The following PAK2 variants were observed in gnomAD, a reference collection of about 807,000 sequenced individuals.
PAK2 encodes serine/threonine-protein kinase PAK 2.
Under a neutral mutation model 65.9 loss-of-function variants are expected in PAK2, and 21 were observed. The observed-to-expected ratio is 0.32, with a 90% confidence interval of 0.23 to 0.46. The LOEUF (loss-of-function observed/expected upper bound fraction) is 0.46. Ranked by LOEUF, PAK2 falls within the 20% of genes least tolerant of loss-of-function variation. The pLI is 1.00. For missense variants in PAK2, 324 were observed against 642.6 expected (o/e 0.50, Z 5.36); for synonymous variants, 204 against 219.7 (o/e 0.93, Z 0.63).
intron 4 of PAK2, among the ~76,000 whole-genome samples, chr3:196,803,603 C>T (rs1341391257): frequency 6.6e-6 from 1 of 152,006 alleles, no homozygotes; most frequent in Non-Finnish European, 1.5e-5. Flanking sequence ...AATTGAAACT[C>T]GCAAGTGTGC....
intron 1 of PAK2, among the ~76,000 whole-genome samples, chr3:196,751,694 T>TATATATATATATATATATATAAA (rs1211217848): frequency 2.2e-5 from 1 of 45,870 alleles, no homozygotes; most frequent in Non-Finnish European, 4.4e-5. Context: ...TATATATATA[T>TATATATATATATATATATATAAA]AATTCAGGCT....
intron 1 of PAK2, among the ~76,000 whole-genome samples, chr3:196,750,810 TTC>T (rs1185756845): frequency 6.6e-6 from 1 of 152,154 alleles, no homozygotes; most frequent in Non-Finnish European, 1.5e-5. Flanking sequence ...TCTGGTATGT[TTC>T]TGTTATTTTA....
chr3:196,789,786 G>T (rs1166415737), intron 2 of PAK2, among the ~76,000 whole-genome samples: 1 of 152,130 alleles, frequency 6.6e-6, no homozygotes, highest in African/African-American at 2.4e-5. Flanking sequence ...TTTCTGTGGG[G>T]CTGACGGGGG....
chr3:196,798,272 T>C (rs1577729244), intron 2 of PAK2, among the ~76,000 whole-genome samples: 1 of 151,552 alleles, frequency 6.6e-6, no homozygotes, highest in Non-Finnish European at 1.5e-5. Flanking sequence ...ATGAGAGAGG[T>C]GGTGGCACCC....
chr3:196,771,715 C>T (rs1019220989), intron 1 of PAK2, among the ~76,000 whole-genome samples: 5 of 152,046 alleles, frequency 3.3e-5, no homozygotes, highest in Admixed American at 2.6e-4. Context: ...CTTGCCACCA[C>T]GCCTGGCTAA....
chr3:196,754,767 G>A (rs958968506), intron 1 of PAK2, among the ~76,000 whole-genome samples: 1 of 152,150 alleles, frequency 6.6e-6, no homozygotes, highest in African/African-American at 2.4e-5. Flanking sequence ...ACACTTCCTG[G>A]TTTGCTTTCT....
At position 196,757,201 on chromosome 3, in the gene PAK2, C is replaced by T. The variant is rs1209866626; in HGVS notation, c.-22+17044C>T. ...AGGTGACTTAGGTCAGAGCAGGTGA[C>T]CAGGGGTGACTCAGGTCAAAGCAGG... On this transcript the variant is annotated intron_variant, in intron 1 of 14. Transcript: ENST00000327134. Among the ~76,000 whole-genome samples, 3 of 152,158 alleles carry T rather than the reference C, an allele frequency of 2.0e-5. No individual in the cohort carries two copies. The East Asian group carries it at 5.8e-4, about 29-fold the overall frequency.
At chr3:196,816,555 G>A (rs1292913153) in intron 11 of PAK2, among the ~76,000 whole-genome samples, 2 of 152,060 alleles carry the variant, frequency 1.3e-5, no homozygotes, top group Non-Finnish European at 2.9e-5. Context: ...AAACTGTGAC[G>A]AGTTTGTTTC....
In PAK2 at chr3:196,752,481, C is replaced by A. The variant is rs141505794; in HGVS notation, c.-22+12324C>A. On this transcript the variant is annotated intron_variant, in intron 1 of 14. Transcript: ENST00000327134. ...ATTTTTTTCTCTTAACCCTTTCTCACTTTATCCTCCTTTCACCTCCGTGGT... is the reference window on the plus strand; with the variant it reads ...ATTTTTTTCTCTTAACCCTTTCTCAATTTATCCTCCTTTCACCTCCGTGGT... 9.3e-3 allele frequency among the ~76,000 whole-genome samples: 1,424 copies of A among 152,320 alleles called. 21 individuals are homozygous for A. Among genetic ancestry groups the A allele is most frequent in the African/African-American group, 0.033 (1,367 of 41,554 alleles).
chr3:196,756,601 G>A (rs1000756171), intron 1 of PAK2, among the ~76,000 whole-genome samples: 2 of 152,196 alleles, frequency 1.3e-5, no homozygotes, highest in African/African-American at 4.8e-5. Flanking sequence ...ACTTTGGGAG[G>A]CCGAGCTGGG....
intron 1 of PAK2, among the ~76,000 whole-genome samples, chr3:196,751,908 A>G (rs1311459648): frequency 6.6e-6 from 1 of 150,456 alleles, no homozygotes; most frequent in Non-Finnish European, 1.5e-5. Flanking sequence ...ACTCTCAGCT[A>G]ATTTTTGTAT....
intron 2 of PAK2, among the ~76,000 whole-genome samples, chr3:196,798,132 A>G (rs569890459): frequency 1.3e-5 from 2 of 152,254 alleles, no homozygotes; most frequent in African/African-American, 2.4e-5. Flanking sequence ...AAATAGGGGG[A>G]AAAAGCAGCA....
intron 2 of PAK2, among the ~76,000 whole-genome samples, chr3:196,789,019 T>C (rs1714984149): frequency 6.6e-6 from 1 of 152,174 alleles, no homozygotes; most frequent in Non-Finnish European, 1.5e-5. Flanking sequence ...TACAGATTTT[T>C]AATCAGGGGA....
chr3:196,782,224 C>G (rs1714735488), intron 1 of PAK2, among the ~76,000 whole-genome samples: 1 of 151,620 alleles, frequency 6.6e-6, no homozygotes, highest in East Asian at 1.9e-4. Context: ...AAGCATCTGT[C>G]TCTGCTCTAG....
At chr3:196,796,970 A>G (rs561409061) in intron 2 of PAK2, among the ~76,000 whole-genome samples, 2 of 152,346 alleles carry the variant, frequency 1.3e-5, no homozygotes, top group South Asian at 4.1e-4. Context: ...GAAGAAACAG[A>G]CAAATTCAAT....
At chr3:196,803,283 C>A in intron 4 of PAK2, 119 bp downstream of exon 4, 1 of 792,752 alleles carries the variant, frequency 1.3e-6, no homozygotes, top group Non-Finnish European at 1.9e-6. Flanking sequence ...CGGTTTTTCC[C>A]TGGATAGATT....
At chr3:196,747,139 A>G (rs1307985695) in intron 1 of PAK2, 2 of 145,386 alleles carry the variant, frequency 1.4e-5, no homozygotes, top group Non-Finnish European at 3.0e-5. Context: ...TGAATGCCTG[A>G]TTTCTACTTT....
At chr3:196,801,083 G>A (rs79128605) in intron 2 of PAK2, among the ~76,000 whole-genome samples, 110 of 152,258 alleles carry the variant, frequency 7.2e-4, no homozygotes, top group African/African-American at 2.6e-3. Context: ...AAACTGCATA[G>A]TTTTAAAATG....
intron 12 of PAK2, among the ~76,000 whole-genome samples, chr3:196,818,656 G>T (rs950792715): frequency 6.6e-6 from 1 of 152,104 alleles, no homozygotes; most frequent in Non-Finnish European, 1.5e-5. Flanking sequence ...GTGAGCCACC[G>T]CGGCTGGCCA....
Sources: gnomAD v4.1 joint callset for allele counts (sites outside exome capture counted in the v4.1 genomes callset) on GRCh38, gnomAD v4.1.1 for gene constraint, MANE v1.5 for transcripts, NCBI Gene and HGNC (gene_info 2026-07-23, HGNC 2026-07-21) for gene names.